The following SLC60A2 variants were observed in gnomAD, a reference collection of about 807,000 sequenced individuals.
The protein encoded by SLC60A2 is major facilitator superfamily domain containing 4B.
chr6:111,264,055 A>G, the SLC60A2 span: 5 of 595,534 alleles, frequency 8.4e-6, no homozygotes, highest in African/African-American at 5.5e-5. Context: ...ACACAGACCT[A>G]CTGAGTTGGT....
the SLC60A2 span, among the ~76,000 whole-genome samples, chr6:111,261,218 C>T: frequency 6.6e-6 from 1 of 151,934 alleles, no homozygotes; most frequent in African/African-American, 2.4e-5. Context: ...AATTGTTTAT[C>T]TCCTGTATGT....
At chr6:111,264,225 AT>A in the SLC60A2 span, among the ~76,000 whole-genome samples, 1 of 152,204 alleles carries the variant, frequency 6.6e-6, no homozygotes, top group South Asian at 2.1e-4. Flanking sequence ...TGTGTGGGTA[AT>A]TACAGTGCAG....
chr6:111,279,335 C>T, the SLC60A2 span, among the ~76,000 whole-genome samples: 1 of 151,258 alleles, frequency 6.6e-6, no homozygotes, highest in Non-Finnish European at 1.5e-5. Flanking sequence ...TATCTCAGCT[C>T]ACTGCAAACT....
chr6:111,265,033 C>T, the SLC60A2 span, among the ~76,000 whole-genome samples: 8 of 152,122 alleles, frequency 5.3e-5, no homozygotes, highest in Admixed American at 6.5e-5. Flanking sequence ...GTGGAGGTTG[C>T]AGAGAGCCAC....
the SLC60A2 span, chr6:111,278,535 G>A: frequency 6.6e-6 from 1 of 152,222 alleles, no homozygotes; most frequent in Admixed American, 6.5e-5. Flanking sequence ...AATCATGGGG[G>A]CAAGTCTTTC....
chr6:111,267,279 C>G, the SLC60A2 span: 1 of 609,318 alleles, frequency 1.6e-6, no homozygotes, highest in African/African-American at 1.8e-5. Context: ...CTGTAATTCC[C>G]AGAGTCTTCC....
At chr6:111,277,203 G>A in the SLC60A2 span, among the ~76,000 whole-genome samples, 10 of 152,212 alleles carry the variant, frequency 6.6e-5, no homozygotes, top group Non-Finnish European at 1.5e-4. Flanking sequence ...ATTGGTAATC[G>A]ATACCTGAAT....
At chr6:111,267,207 G>A in the SLC60A2 span, 8 of 1,327,086 alleles carry the variant, frequency 6.0e-6, no homozygotes, top group Non-Finnish European at 8.2e-6. Context: ...ATTTCACCAT[G>A]CTTTGGGGAT....
the SLC60A2 span, chr6:111,266,663 G>C: frequency 6.2e-7 from 1 of 1,614,158 alleles, no homozygotes; most frequent in East Asian, 2.2e-5. Context: ...TGGGAGAAAT[G>C]GCTATTCCTG....
the SLC60A2 span, chr6:111,265,267 G>GAA: frequency 1.0e-6 from 1 of 975,726 alleles, no homozygotes; most frequent in Non-Finnish European, 1.2e-6. Flanking sequence ...AATATCTGTT[G>GAA]AAAAAAAAGA....
chr6:111,265,782 A>C, the SLC60A2 span: 1 of 987,202 alleles, frequency 1.0e-6, no homozygotes, highest in Non-Finnish European at 1.5e-6. Flanking sequence ...TGCTATGTAA[A>C]ATAGACTCAC....
the SLC60A2 span, chr6:111,259,652 C>T: frequency 1.3e-6 from 2 of 1,564,412 alleles, no homozygotes; most frequent in African/African-American, 1.4e-5. Context: ...TGGTGGTCTC[C>T]TGGCAGAGCG....
the SLC60A2 span, chr6:111,259,588 A>C: frequency 8.3e-7 from 1 of 1,205,228 alleles, no homozygotes. Flanking sequence ...GCTGCGGGGC[A>C]GCGGCTCCTG....
At chr6:111,263,822 C>T in the SLC60A2 span, 6 of 1,503,868 alleles carry the variant, frequency 4.0e-6, no homozygotes, top group African/African-American at 1.4e-5. Context: ...GAGTTTCTAC[C>T]TTCCCAGGAA....
the SLC60A2 span, among the ~76,000 whole-genome samples, chr6:111,262,689 A>G: frequency 2.6e-5 from 4 of 152,102 alleles, no homozygotes; most frequent in African/African-American, 9.7e-5. Flanking sequence ...TAATTTAGCT[A>G]CCACTCCTGG....
chr6:111,271,659 T>C, the SLC60A2 span, among the ~76,000 whole-genome samples: 18 of 150,894 alleles, frequency 1.2e-4, no homozygotes. Context: ...AACTTTTGGC[T>C]GGGCATGGTG....
At chr6:111,264,769 C>T in the SLC60A2 span, among the ~76,000 whole-genome samples, 5 of 138,904 alleles carry the variant, frequency 3.6e-5, no homozygotes, top group African/African-American at 1.4e-4. Context: ...GCCTGGGTGA[C>T]AGAGTGAGAC....
the SLC60A2 span, among the ~76,000 whole-genome samples, chr6:111,261,187 G>A: frequency 2.0e-5 from 3 of 152,200 alleles, no homozygotes; most frequent in Non-Finnish European, 4.4e-5. Flanking sequence ...TGGAAGAAAA[G>A]TGTAGATTTA....
the SLC60A2 span, chr6:111,266,477 C>G: frequency 6.2e-7 from 1 of 1,614,180 alleles, no homozygotes. Context: ...ACATTGGCAG[C>G]CTGACTTCAT....
Sources: allele counts gnomAD v4.1 joint callset (sites outside exome capture counted in the v4.1 genomes callset), GRCh38; gene constraint gnomAD v4.1.1; transcripts MANE v1.5; gene names NCBI Gene and HGNC (gene_info 2026-07-23, HGNC 2026-07-21).